The following ZNF395 variants were observed in gnomAD, a reference collection of about 807,000 sequenced individuals.
ZNF395 encodes the protein zinc finger protein 395, also known as HD gene regulatory region-binding protein 2.
A neutral mutation model predicts 57.7 loss-of-function variants in ZNF395; 20 were observed. That is an observed-to-expected ratio of 0.35 (90% CI 0.24 to 0.50). The LOEUF (loss-of-function observed/expected upper bound fraction) is 0.50, where lower values mean the gene tolerates loss of function less well. Among genes scored for constraint, ZNF395 ranks in the 20% least tolerant of loss-of-function variants. The pLI is 0.97. For missense variants in ZNF395, 606 were observed against 671.2 expected, an observed-to-expected ratio of 0.90 and a Z score of 1.07; for synonymous variants, 295 against 275.9, an observed-to-expected ratio of 1.07 and a Z score of -0.69.
At chr8:28,361,515 T>G (rs1285447216) in intron 1 of ZNF395, among the ~76,000 whole-genome samples, 1 of 152,252 alleles carries the variant, frequency 6.6e-6, no homozygotes, top group Non-Finnish European at 1.5e-5. Flanking sequence ...TATAAAAACA[T>G]GTTTAGAAGC....
chr8:28,369,773 G>A (rs376065668), intron 1 of ZNF395, among the ~76,000 whole-genome samples: 3 of 152,318 alleles, frequency 2.0e-5, no homozygotes, highest in Admixed American at 6.5e-5. Flanking sequence ...CGGAACCCCC[G>A]GGAAAGGGCC....
intron 7 of ZNF395, 176 bp downstream of exon 7, chr8:28,351,319 G>T: frequency 1.6e-6 from 1 of 642,970 alleles, no homozygotes; most frequent in Non-Finnish European, 2.5e-6. Context: ...GATAACTCCA[G>T]GAATTCCCAC....
chr8:28,386,384 G>C lies in ZNF395; in HGVS notation c.-59+9C>G, dbSNP rs1802183655. On this transcript the variant is annotated intron_variant, in intron 1 of 9. Transcript: ENST00000344423. ...CCCAGCACGCCCCCAGCGCGCCTGG[G>C]CTACACACCCCCGGCCGCCCGTAGA... is the stretch of plus-strand genomic sequence containing the variant. 6.7e-6 allele frequency: 1 copy of C among 148,188 alleles called. No homozygotes were observed. The highest frequency in any genetic ancestry group is 1.5e-5 in the Non-Finnish European group (1 of 66,790). 9.2% of individuals were successfully genotyped at this position (148,188 alleles called of 1,614,324 possible).
chr8:28,363,030 G>T (rs1367344366), intron 1 of ZNF395, among the ~76,000 whole-genome samples: 1 of 151,496 alleles, frequency 6.6e-6, no homozygotes, highest in Non-Finnish European at 1.5e-5. Flanking sequence ...AAGCTTCACT[G>T]TAACAATAAA....
Position 28,356,623 on chromosome 8 carries a change from G to T in ZNF395, c.583+47C>A. ...CTGCTCTGCACAGAGGATGTTTGTC[G>T]TGGGCCTCTACCATGCCCAGAACCC... On this transcript the variant is annotated intron_variant, in intron 4 of 9. Transcript: ENST00000344423. This position sits in a 1 kb window ranked among gnomAD's most constrained non-coding sequence, Gnocchi z 4.0. 2 of 1,433,196 alleles carry T rather than the reference G, an allele frequency of 1.4e-6. No individual in the cohort carries two copies. Among genetic ancestry groups the T allele is most frequent in the Non-Finnish European group, 2.0e-6 (2 of 1,022,916 alleles). The allele number at this position is 1,433,196 out of a possible 1,614,324, so 88.8% of individuals were successfully genotyped here.
In ZNF395 at chr8:28,360,981, G is replaced by C; in HGVS notation, c.144C>G (p.Thr48=). The C allele has an allele frequency of 6.2e-7, 1 of 1,612,990 alleles. No individual in the cohort carries two copies. Among genetic ancestry groups the C allele is most frequent in the Middle Eastern group, 1.7e-4 (1 of 6,056 alleles). Residue 48 remains threonine (T), a synonymous_variant, in exon 2 of 10, where the codon ACC becomes ACG. Transcript: ENST00000344423. Reference sequence around the variant, plus strand: ...GCTCCTGGCAGGGGGTGTCATCAGAGGTGGTGAAAGGCTGGGGAGCGGCCC... The same window carrying C: ...GCTCCTGGCAGGGGGTGTCATCAGACGTGGTGAAAGGCTGGGGAGCGGCCC... ...LEGAAPQPFT[T]SDDTPCQEQP...
intron 1 of ZNF395, among the ~76,000 whole-genome samples, chr8:28,384,871 T>G (rs1585868771): frequency 6.6e-6 from 1 of 152,234 alleles, no homozygotes; most frequent in East Asian, 1.9e-4. Context: ...CTAGGCTTCC[T>G]GAAGCCTGGG....
At chr8:28,386,008 G>A (rs2130008837) in intron 1 of ZNF395, 1 of 147,106 alleles carries the variant, frequency 6.8e-6, no homozygotes. Flanking sequence ...GCTCACCTCG[G>A]CCCGCCACGA....
intron 4 of ZNF395, among the ~76,000 whole-genome samples, chr8:28,355,359 A>C (rs1256915614): frequency 6.6e-6 from 1 of 152,214 alleles, no homozygotes; most frequent in Non-Finnish European, 1.5e-5. Context: ...ACTTCAAGAT[A>C]ATTAGGCCAA....
At chr8:28,381,479 G>A (rs1039969283) in intron 1 of ZNF395, among the ~76,000 whole-genome samples, 4 of 152,122 alleles carry the variant, frequency 2.6e-5, no homozygotes, top group Non-Finnish European at 5.9e-5. Flanking sequence ...CACTACAGCC[G>A]GATCAGTATT....
At chr8:28,367,764 T>C (rs952463697) in intron 1 of ZNF395, among the ~76,000 whole-genome samples, 2 of 152,186 alleles carry the variant, frequency 1.3e-5, no homozygotes, top group African/African-American at 4.8e-5. Flanking sequence ...CCGATGGGAC[T>C]GCAGCCTCCT....
In ZNF395 at chr8:28,350,160, C is replaced by G; in HGVS notation, c.1234-4G>C. ...GGATCTGGAAGGATGGCAGAGCCTG[C>G]GGAAGACGAGGGTGTCAGCCCGGAT... On this transcript the variant is annotated splice_polypyrimidine_tract_variant and splice_region_variant and intron_variant, in intron 7 of 9. Coordinates refer to ENST00000344423, the MANE Select transcript of ZNF395 (RefSeq NM_018660.3). 2 of 1,599,688 alleles carry G rather than the reference C, an allele frequency of 1.3e-6. No individual in the cohort carries two copies. The highest frequency in any genetic ancestry group is 1.7e-6 in the Non-Finnish European group (2 of 1,175,130).
chr8:28,352,430 A>AG lies in ZNF395; in HGVS notation c.920+142dup. Reference sequence around the variant, plus strand: ...CAATGTTCACCAGGATGTCTTTCTCAGGGGGCCAGGAAGAGACACCAGGGG... The same window carrying AG: ...CAATGTTCACCAGGATGTCTTTCTCAGGGGGGCCAGGAAGAGACACCAGGGG... On this transcript the variant is annotated intron_variant, in intron 6 of 9. Coordinates refer to ENST00000344423, the MANE Select transcript of ZNF395 (RefSeq NM_018660.3). This position sits in a 1 kb window ranked among gnomAD's most constrained non-coding sequence, Gnocchi z 4.0. 1 of 635,984 alleles carries AG rather than the reference A, an allele frequency of 1.6e-6. No homozygotes were observed. Among genetic ancestry groups the AG allele is most frequent in the Non-Finnish European group, 2.7e-6 (1 of 364,990 alleles). 39.4% of individuals were successfully genotyped at this position (635,984 alleles called of 1,614,324 possible).
intron 1 of ZNF395, among the ~76,000 whole-genome samples, chr8:28,382,591 C>T (rs895461729): frequency 2.0e-5 from 3 of 152,178 alleles, no homozygotes; most frequent in Non-Finnish European, 1.5e-5. Flanking sequence ...GCACAGAACA[C>T]GCCCCACTCC....
intron 7 of ZNF395, among the ~76,000 whole-genome samples, chr8:28,350,684 A>G (rs971653110): frequency 2.6e-5 from 4 of 152,194 alleles, no homozygotes; most frequent in Non-Finnish European, 4.4e-5. Flanking sequence ...CTAAGCGGCC[A>G]CTCATTCTAA....
chr8:28,383,799 C>G (rs954123217), intron 1 of ZNF395, among the ~76,000 whole-genome samples: 1 of 152,102 alleles, frequency 6.6e-6, no homozygotes, highest in Non-Finnish European at 1.5e-5. Context: ...CCCCTGGGCT[C>G]CCCCATCTCA....
chr8:28,353,041 T>TA (rs1801736583), intron 5 of ZNF395, 132 bp downstream of exon 5: 1 of 781,940 alleles, frequency 1.3e-6, no homozygotes, highest in Non-Finnish European at 2.1e-6. Context: ...GAAGCAGCAA[T>TA]AAAAAACCGA....
chr8:28,361,209 G>C (rs771970906), intron 1 of ZNF395, 27 bp from the exon 2 acceptor site: 35 of 1,591,746 alleles, frequency 2.2e-5, no homozygotes, highest in Non-Finnish European at 3.0e-5. Flanking sequence ...GCTTTCAGGA[G>C]GGAGCCCCAC....
At chr8:28,382,702 T>C (rs954098999) in intron 1 of ZNF395, among the ~76,000 whole-genome samples, 1 of 152,216 alleles carries the variant, frequency 6.6e-6, no homozygotes, top group Non-Finnish European at 1.5e-5. Context: ...ACTGTAAGTC[T>C]TCCACCCTTC....
Sources: allele counts gnomAD v4.1 joint callset (sites outside exome capture counted in the v4.1 genomes callset), GRCh38; gene constraint gnomAD v4.1.1; non-coding constraint Gnocchi (gnomAD v3.1); transcripts MANE v1.5; gene names NCBI Gene and HGNC (gene_info 2026-07-23, HGNC 2026-07-21).